The following ZNF519 variants were observed in gnomAD, a reference collection of about 807,000 sequenced individuals.
The protein encoded by ZNF519 is zinc finger protein 519.
ZNF519 carries 7 observed loss-of-function variants against 7.4 expected under a neutral mutation model. That is an observed-to-expected ratio of 0.94 (90% CI 0.54 to 1.77). The LOEUF (loss-of-function observed/expected upper bound fraction) is 1.77, where lower values mean the gene tolerates loss of function less well. Ranked by LOEUF, ZNF519 falls within the 40% of genes most tolerant of loss-of-function variation. ZNF519 has a pLI of 0.00. For synonymous variants in ZNF519, 179 were observed against 203.3 expected (o/e 0.88, Z 1.02); for missense variants, 586 against 623.1 (o/e 0.94, Z 0.63).
Position 14,105,585 on chromosome 18 carries a change from G to C in ZNF519, c.955C>G (p.Pro319Ala), listed in dbSNP as rs188498928. The C allele has an allele frequency of 3.7e-6, 6 of 1,613,926 alleles. No individual in the cohort carries two copies. The Admixed American group carries it at 6.7e-5, about 18-fold the overall frequency. Residue 319 changes from proline (P) to alanine (A), a missense_variant, in exon 3 of 3, where the codon CCT (proline) becomes GCT (alanine). By Grantham distance (27) the Pro-to-Ala change is conservative. Transcript: ENST00000590202. ...TTGCCACATTCCTTACACTTGAAAG[G>C]CTTCTCTCCAGTATGGATTCTCTGA... ...QHQRIHTGEK[P>A]FKCKECGKAF...
intron 2 of ZNF519, among the ~76,000 whole-genome samples, chr18:14,107,923 G>A (rs938601919): frequency 2.0e-5 from 3 of 152,030 alleles, no homozygotes; most frequent in Non-Finnish European, 2.9e-5. Flanking sequence ...AACAGAAAAC[G>A]AAGTAGACTC....
intron 3 of ZNF519, among the ~76,000 whole-genome samples, chr18:14,078,604 G>T (rs746398328): frequency 6.6e-6 from 1 of 151,960 alleles, no homozygotes; most frequent in Non-Finnish European, 1.5e-5. Context: ...GCTTTGCCTG[G>T]GTTAAGTCAA....
intron 2 of ZNF519, among the ~76,000 whole-genome samples, chr18:14,108,750 A>G (rs149377717): frequency 0.036 from 5,441 of 152,270 alleles, 313 homozygotes; most frequent in African/African-American, 0.12. Context: ...TATATCAGAC[A>G]AAATAGATTT....
chr18:14,093,463 G>C (rs1050636367), intron 2 of ZNF519, among the ~76,000 whole-genome samples: 1 of 152,114 alleles, frequency 6.6e-6, no homozygotes, highest in Non-Finnish European at 1.5e-5. Context: ...GTACATATAT[G>C]TATACTCATA....
intron 2 of ZNF519, among the ~76,000 whole-genome samples, chr18:14,111,273 G>A (rs996845800): frequency 3.3e-5 from 5 of 150,564 alleles, no homozygotes; most frequent in Admixed American, 2.6e-4. Flanking sequence ...AGGAGGCTAA[G>A]GCAGGGGGAT....
downstream of ZNF519, chr18:14,075,719 T>C (rs531393694): frequency 6.6e-6 from 1 of 152,320 alleles, no homozygotes; most frequent in African/African-American, 2.4e-5. Flanking sequence ...ATTATTCCTA[T>C]TGCCACATCC....
intron 2 of ZNF519, among the ~76,000 whole-genome samples, chr18:14,088,882 A>T (rs17619698): frequency 0.17 from 26,287 of 152,046 alleles, 2,792 homozygotes; most frequent in Middle Eastern, 0.25. Context: ...AACTGGGACA[A>T]GGAGGACTTT....
At chr18:14,121,445 T>C (rs1473176469) in intron 2 of ZNF519, among the ~76,000 whole-genome samples, 1 of 152,162 alleles carries the variant, frequency 6.6e-6, no homozygotes, top group African/African-American at 2.4e-5. Flanking sequence ...AATCATTACA[T>C]TGTACACATT....
chr18:14,092,890 T>C (rs987014867), intron 2 of ZNF519, among the ~76,000 whole-genome samples: 1 of 152,196 alleles, frequency 6.6e-6, no homozygotes, highest in African/African-American at 2.4e-5. Context: ...AACACTTACA[T>C]GGTTTCTATC....
chr18:14,071,256 A>G (rs2046026933), downstream of ZNF519: 1 of 152,088 alleles, frequency 6.6e-6, no homozygotes, highest in Non-Finnish European at 1.5e-5. Flanking sequence ...TTCGGGGGGA[A>G]AATTTTTATT....
Position 14,102,964 on chromosome 18 carries a change from GTAAT to G in ZNF519, c.*1949_*1952del, listed in dbSNP as rs1438936635. The G allele has an allele frequency of 6.6e-6, 1 of 151,824 alleles. No individual in the cohort carries two copies. The highest frequency in any genetic ancestry group is 1.5e-5 in the Non-Finnish European group (1 of 67,940). 9.4% of individuals were successfully genotyped at this position (151,824 alleles called of 1,614,324 possible). ...TATAAATTAAAAGATTATATGGAAA[GTAAT>G]AAGAAAGCAGTAAAGGAAGAATAAA... On this transcript the variant is annotated 3_prime_UTR_variant, in exon 3 of 3. Coordinates refer to ENST00000590202, the MANE Select transcript of ZNF519 (RefSeq NM_145287.4).
At chr18:14,128,726 A>AC (rs2046314622) in intron 1 of ZNF519, among the ~76,000 whole-genome samples, 1 of 95,684 alleles carries the variant, frequency 1.0e-5, no homozygotes, top group Admixed American at 9.7e-5. Context: ...CACACACACA[A>AC]AACCAAATGA....
At chr18:14,118,934 T>C (rs993123817) in intron 2 of ZNF519, among the ~76,000 whole-genome samples, 1 of 152,110 alleles carries the variant, frequency 6.6e-6, no homozygotes, top group Non-Finnish European at 1.5e-5. Context: ...AGGTAGCTAG[T>C]AGAAGACAAA....
chr18:14,109,077 A>G (rs2046208810), intron 2 of ZNF519, among the ~76,000 whole-genome samples: 2 of 151,958 alleles, frequency 1.3e-5, no homozygotes, highest in Non-Finnish European at 2.9e-5. Flanking sequence ...ATTGTACTCC[A>G]GCCTGGGCAA....
At chr18:14,078,781 T>A (rs933089456) in intron 3 of ZNF519, among the ~76,000 whole-genome samples, 1 of 144,780 alleles carries the variant, frequency 6.9e-6, no homozygotes, top group Non-Finnish European at 1.6e-5. Flanking sequence ...ATTAATCAAA[T>A]TAATAAAAAA....
In ZNF519 at chr18:14,106,283, T is replaced by G. The variant is rs143444225; in HGVS notation, c.257A>C (p.Glu86Ala). Residue 86 changes from glutamate to alanine, a missense_variant, in exon 3 of 3, where the codon GAA becomes GCA. Glu to Ala is a moderately radical substitution (Grantham distance 107). Coordinates refer to ENST00000590202, the MANE Select transcript of ZNF519 (RefSeq NM_145287.4). ...LENICLWKNW[E>A]SIGEGEGQKE... ...TTGTCCTTCACCTTCACCTATACTT[T>G]CCCAGTTTTTCCATAAGCATATATT... 2.1e-4 allele frequency: 337 copies of G among 1,613,454 alleles called. 4 individuals are homozygous for G. In the Middle Eastern group the frequency reaches 3.3e-3, roughly 16 times the overall value.
intron 2 of ZNF519, among the ~76,000 whole-genome samples, chr18:14,087,769 G>T (rs2046097468): frequency 1.3e-5 from 2 of 152,140 alleles, no homozygotes; most frequent in South Asian, 4.1e-4. Context: ...CATAAAAAGA[G>T]CATAGCTTGG....
At chr18:14,114,072 C>A (rs2046235044) in intron 2 of ZNF519, among the ~76,000 whole-genome samples, 1 of 151,914 alleles carries the variant, frequency 6.6e-6, no homozygotes, top group African/African-American at 2.4e-5. Flanking sequence ...CAAATATTTT[C>A]TTCCATTTGG....
intron 2 of ZNF519, among the ~76,000 whole-genome samples, chr18:14,114,463 T>A (rs978416818): frequency 7.9e-5 from 12 of 152,218 alleles, no homozygotes; most frequent in African/African-American, 2.9e-4. Context: ...TGGATTTATC[T>A]CTGCGTTCTC....
Sources: gnomAD v4.1 joint callset for allele counts (sites outside exome capture counted in the v4.1 genomes callset) on GRCh38, gnomAD v4.1.1 for gene constraint, MANE v1.5 for transcripts, NCBI Gene and HGNC (gene_info 2026-07-23, HGNC 2026-07-21) for gene names.